DIRAS1: variants seen among roughly 807,000 people sequenced by gnomAD.
DIRAS1 encodes GTP-binding protein Di-Ras1.
Under a neutral mutation model 11.5 loss-of-function variants are expected in DIRAS1, and 3 were observed. The ratio of observed to expected loss-of-function variants is 0.26; its 90% CI spans 0.12 to 0.67. The LOEUF (loss-of-function observed/expected upper bound fraction) is 0.67, where lower values mean the gene tolerates loss of function less well. DIRAS1 is among the 30% of genes least tolerant of loss of function. The probability of loss-of-function intolerance (pLI) is 0.80; values close to 1 mark genes in which losing one functional copy is unlikely to be tolerated. For synonymous variants in DIRAS1, 128 were observed against 125.8 expected, an observed-to-expected ratio of 1.02 and a Z score of -0.12; for missense variants, 212 against 285.3, an observed-to-expected ratio of 0.74 and a Z score of 1.85.
At chr19:2,717,950 G>T in intron 1 of DIRAS1, 75 bp from the exon 2 acceptor site, 2 of 860,234 alleles carry the variant, frequency 2.3e-6, no homozygotes, top group Non-Finnish European at 3.5e-6. Flanking sequence ...GGGGAGGGAG[G>T]AGGACATGGC....
Position 2,717,000 on chromosome 19 carries a change from G to C in DIRAS1, c.*210C>G, listed in dbSNP as rs914116813. The C allele has an allele frequency of 1.7e-6, 1 of 595,134 alleles. No individual in the cohort carries two copies. The highest frequency in any genetic ancestry group is 1.9e-5 in the African/African-American group (1 of 53,528). The allele number at this position is 595,134 out of a possible 1,614,324, so 36.9% of individuals were successfully genotyped here. On this transcript the variant is annotated 3_prime_UTR_variant, in exon 2 of 2. Transcript: ENST00000323469. ...TTTGGAGGGTACAGACAGAACAGGA[G>C]GGTGGAGAGAGAGCAGGGGAGGAAG...
At chr19:2,719,585 TG>T (rs1568295561) in intron 1 of DIRAS1, among the ~76,000 whole-genome samples, 2 of 17,416 alleles carry the variant, frequency 1.1e-4, no homozygotes, top group African/African-American at 2.3e-4. Context: ...GGGGCAGCGG[TG>T]GGGGGTGGGG....
chr19:2,719,177 G>C (rs999713414), intron 1 of DIRAS1: 1 of 152,178 alleles, frequency 6.6e-6, no homozygotes, highest in African/African-American at 2.4e-5. Context: ...TCCTGAGGCT[G>C]GGAATCTGAG....
chr19:2,716,825 G>A lies in DIRAS1; in HGVS notation c.*385C>T, dbSNP rs1218713921. The A allele has an allele frequency of 1.3e-5, 3 of 224,834 alleles. No individual in the cohort carries two copies. Among genetic ancestry groups the A allele is most frequent in the Non-Finnish European group, 2.6e-5 (3 of 114,394 alleles). 13.9% of individuals were successfully genotyped at this position (224,834 alleles called of 1,614,324 possible). A position where few individuals can be genotyped will look rare whatever the true frequency, so the allele number is the denominator to read the frequency against. On this transcript the variant is annotated 3_prime_UTR_variant, in exon 2 of 2. Coordinates refer to ENST00000323469, the MANE Select transcript of DIRAS1 (RefSeq NM_145173.4). ...TGATCAAATGTGAGGGACAGGACGC[G>A]CAGGTCTGGCTGGGGACACCCCAGG... is the stretch of plus-strand genomic sequence containing the variant.
rs953298879 is a variant in DIRAS1 at position 2,716,437 on chromosome 19, G to A, written c.*773C>T. On this transcript the variant is annotated 3_prime_UTR_variant, in exon 2 of 2. Transcript: ENST00000323469. Reference sequence around the variant, plus strand: ...CGTTGCTAACGTCTCTGTCTTGGTGGAAGAGGCGGGTCCCGGGTGGGCGGT... The same window carrying A: ...CGTTGCTAACGTCTCTGTCTTGGTGAAAGAGGCGGGTCCCGGGTGGGCGGT... 6.6e-6 allele frequency: 1 copy of A among 152,498 alleles called. No homozygotes were observed. Among genetic ancestry groups the A allele is most frequent in the African/African-American group, 2.4e-5 (1 of 41,460 alleles). The allele number at this position is 152,498 out of a possible 1,614,324, so 9.4% of individuals were successfully genotyped here.
chr19:2,719,722 T>G (rs540621922), intron 1 of DIRAS1, among the ~76,000 whole-genome samples: 75 of 152,140 alleles, frequency 4.9e-4, no homozygotes, highest in African/African-American at 1.8e-3. Context: ...GTCAGTGGTT[T>G]GAACCTAAAC....
Position 2,717,615 on chromosome 19 carries a change from G to C in DIRAS1, c.192C>G (p.Gly64=). The C allele has an allele frequency of 6.2e-7, 1 of 1,613,304 alleles. No individual in the cohort carries two copies. Among genetic ancestry groups the C allele is most frequent in the African/African-American group, 1.3e-5 (1 of 75,070 alleles). The change falls in exon 2 of 2, where the codon GGC becomes GGG. Residue 64 remains glycine (G), a synonymous_variant. Coordinates refer to ENST00000323469, the MANE Select transcript of DIRAS1 (RefSeq NM_145173.4). The part of the protein sequence containing the change: ...VCTLQITDTT[G]SHQFPAMQRL... ...GCTGCATGGCCGGGAACTGGTGGCTGCCGGTGGTGTCTGTGATCTGCAGCG... is the reference window on the plus strand; with the variant it reads ...GCTGCATGGCCGGGAACTGGTGGCTCCCGGTGGTGTCTGTGATCTGCAGCG...
chr19:2,717,584 A>T lies in DIRAS1; in HGVS notation c.223T>A (p.Ser75Thr). ...SHQFPAMQRL[S>T]ISKGHAFILV... ...ATGAAGGCGTGGCCCTTGGAGATGG[A>T]CAGGCGCTGCATGGCCGGGAACTGG... The change falls in exon 2 of 2, where the codon TCC becomes ACC. Residue 75 changes from serine (S) to threonine (T), a missense_variant. This residue lies in a region of DIRAS1 where 128 missense variants were observed against 205.3 expected (regional missense o/e 0.62). Coordinates refer to ENST00000323469, the MANE Select transcript of DIRAS1 (RefSeq NM_145173.4). 3 of 1,613,150 alleles carry T rather than the reference A, an allele frequency of 1.9e-6. No homozygotes were observed. The highest frequency in any genetic ancestry group is 2.5e-6 in the Non-Finnish European group (3 of 1,179,690).
In DIRAS1 at chr19:2,717,690, G is replaced by A. The variant is rs1913856171; in HGVS notation, c.117C>T (p.Thr39=). The A allele has an allele frequency of 6.2e-7, 1 of 1,611,804 alleles. No individual in the cohort carries two copies. ...TCACCTGCCGGTAGGTGTCCTCGAT[G>A]GTGGGGATGTAGGTGTCGCGGAACG... ...KGTFRDTYIP[T]IEDTYRQVIS... Residue 39 remains threonine, a synonymous_variant, in exon 2 of 2, where the codon ACC becomes ACT. Coordinates refer to ENST00000323469, the MANE Select transcript of DIRAS1 (RefSeq NM_145173.4).
intron 1 of DIRAS1, chr19:2,719,108 AC>A (rs1490120158): frequency 9.2e-5 from 14 of 152,282 alleles, no homozygotes; most frequent in African/African-American, 3.4e-4. Context: ...GGTGTGAGAC[AC>A]CGCATCCAGC....
At chr19:2,720,548 C>T (rs1913929082) in intron 1 of DIRAS1, among the ~76,000 whole-genome samples, 1 of 152,026 alleles carries the variant, frequency 6.6e-6, no homozygotes, top group Non-Finnish European at 1.5e-5. Flanking sequence ...TGGCTAGACT[C>T]CTGGGGTTTC....
In DIRAS1 at chr19:2,715,866, G is replaced by A. The variant is rs1913776040; in HGVS notation, c.*1344C>T. On this transcript the variant is annotated 3_prime_UTR_variant, in exon 2 of 2. Coordinates refer to ENST00000323469, the MANE Select transcript of DIRAS1 (RefSeq NM_145173.4). ...CCCAAAATATAGTCATGCTCATACA[G>A]GCACAAAGATTCACACAGACACCTC... is the stretch of plus-strand genomic sequence containing the variant. The A allele has an allele frequency of 6.6e-6, 1 of 152,108 alleles. No individual in the cohort carries two copies. Among genetic ancestry groups the A allele is most frequent in the East Asian group, 1.9e-4 (1 of 5,196 alleles). 9.4% of individuals were successfully genotyped at this position (152,108 alleles called of 1,614,324 possible).
At position 2,717,152 on chromosome 19, in the gene DIRAS1, T is replaced by C. The variant is rs1913830148; in HGVS notation, c.*58A>G. 7.8e-7 allele frequency: 1 copy of C among 1,283,874 alleles called. No homozygotes were observed. 79.5% of individuals were successfully genotyped at this position (1,283,874 alleles called of 1,614,324 possible). A position where few individuals can be genotyped will look rare whatever the true frequency, so the allele number is the denominator to read the frequency against. Reference sequence around the variant, plus strand: ...GAGGAGGCCGAGGAGGGTGTCGGTGTTGGGGGAGGCAGCGGGGGTCAGTGG... The same window carrying C: ...GAGGAGGCCGAGGAGGGTGTCGGTGCTGGGGGAGGCAGCGGGGGTCAGTGG... On this transcript the variant is annotated 3_prime_UTR_variant, in exon 2 of 2. Transcript: ENST00000323469.
At chr19:2,719,759 G>A (rs959868401) in intron 1 of DIRAS1, among the ~76,000 whole-genome samples, 1 of 152,116 alleles carries the variant, frequency 6.6e-6, no homozygotes, top group Non-Finnish European at 1.5e-5. Context: ...CTAAGCCTCC[G>A]TTTTCTCTTC....
Position 2,716,973 on chromosome 19 carries a change from G to T in DIRAS1, c.*237C>A. ...ACAAGGGGGCCACCTCCGGCTCTTG[G>T]TTTTGGAGGGTACAGACAGAACAGG... On this transcript the variant is annotated 3_prime_UTR_variant, in exon 2 of 2. Transcript: ENST00000323469. 1 of 495,640 alleles carries T rather than the reference G, an allele frequency of 2.0e-6. No homozygotes were observed. The allele number at this position is 495,640 out of a possible 1,614,324, so 30.7% of individuals were successfully genotyped here. A position where few individuals can be genotyped will look rare whatever the true frequency, so the allele number is the denominator to read the frequency against.
rs1281724848 is a variant in DIRAS1, at chr19:2,718,555, C to T, written c.-69-680G>A. 4.6e-5 allele frequency among the ~76,000 whole-genome samples: 7 copies of T among 152,126 alleles called. No individual in the cohort carries two copies. Among genetic ancestry groups the T allele is most frequent in the Non-Finnish European group, 1.0e-4 (7 of 68,032 alleles). Reference sequence around the variant, plus strand: ...ATTTATTTATTTTTAGACAGAGTTTCGCTCTTGCTGCCCAGGCTGGAGTGC... The same window carrying T: ...ATTTATTTATTTTTAGACAGAGTTTTGCTCTTGCTGCCCAGGCTGGAGTGC... On this transcript the variant is annotated intron_variant, in intron 1 of 1. Coordinates refer to ENST00000323469, the MANE Select transcript of DIRAS1 (RefSeq NM_145173.4). The surrounding 1 kb of genome is among the most constrained non-coding windows in gnomAD (Gnocchi z 4.2).
intron 1 of DIRAS1, among the ~76,000 whole-genome samples, chr19:2,719,421 C>T (rs544672823): frequency 2.0e-5 from 3 of 151,726 alleles, no homozygotes; most frequent in Non-Finnish European, 4.4e-5. Context: ...CCCCTCTCTT[C>T]CTTCTTGGGC....
Position 2,717,759 on chromosome 19 carries a change from G to C in DIRAS1, c.48C>G (p.Gly16=). ...NDYRVVVFGA[G]GVGKSSLVLR... ...GCACCAGCGAGCTCTTGCCCACGCC[G>C]CCCGCCCCGAACACCACCACGCGGT... The change falls in exon 2 of 2, where the codon GGC becomes GGG. Residue 16 remains glycine (G), a synonymous_variant. Transcript: ENST00000323469. 1 of 1,602,506 alleles carries C rather than the reference G, an allele frequency of 6.2e-7. No individual in the cohort carries two copies.
chr19:2,717,839 G>T lies in DIRAS1; in HGVS notation c.-33C>A. On this transcript the variant is annotated 5_prime_UTR_variant, in exon 2 of 2. Coordinates refer to ENST00000323469, the MANE Select transcript of DIRAS1 (RefSeq NM_145173.4). ...GCGGCGGGTGGGCGGCCGGGGCCGG[G>T]AGGGCTGGTGCCAGCTGCAAGAACC... 1 of 1,550,806 alleles carries T rather than the reference G, an allele frequency of 6.4e-7. No individual in the cohort carries two copies. Among genetic ancestry groups the T allele is most frequent in the Non-Finnish European group, 8.7e-7 (1 of 1,152,592 alleles).
Sources: allele counts gnomAD v4.1 joint callset (sites outside exome capture counted in the v4.1 genomes callset), GRCh38; gene constraint gnomAD v4.1.1; regional missense constraint gnomAD v4.1.1; non-coding constraint Gnocchi (gnomAD v3.1); transcripts MANE v1.5; gene names NCBI Gene and HGNC (gene_info 2026-07-23, HGNC 2026-07-21).